The following TMEM33 variants were observed in gnomAD, a reference collection of about 807,000 sequenced individuals.
The protein encoded by TMEM33 is transmembrane protein 33.
In TMEM33, 16 loss-of-function variants were observed where a neutral mutation model predicts 29.7. That is an observed-to-expected ratio of 0.54 (90% confidence interval 0.36 to 0.82). The LOEUF is 0.82. Ranked by LOEUF, TMEM33 falls within the 40% of genes least tolerant of loss-of-function variation. The pLI is 0.00. For missense variants in TMEM33, 252 were observed against 295.3 expected (o/e 0.85, Z 1.08); for synonymous variants, 112 against 109.4 (o/e 1.02, Z -0.15).
intron 1 of TMEM33, among the ~76,000 whole-genome samples, chr4:41,936,021 A>T (rs1191151226): frequency 2.0e-5 from 3 of 152,226 alleles, no homozygotes; most frequent in African/African-American, 4.8e-5. Flanking sequence ...AAATATCATT[A>T]TGCTTTTGTA....
chr4:41,949,427 G>A (rs1266947028), intron 6 of TMEM33, 42 bp downstream of exon 6: 5 of 1,487,178 alleles, frequency 3.4e-6, no homozygotes, highest in Non-Finnish European at 4.6e-6. Context: ...TTTGTTGAGA[G>A]TATTGTGAAT....
intron 6 of TMEM33, among the ~76,000 whole-genome samples, chr4:41,949,751 C>G (rs2153127675): frequency 6.6e-6 from 1 of 152,138 alleles, no homozygotes; most frequent in South Asian, 2.1e-4. Flanking sequence ...ATAATGAATG[C>G]CATATGTTTG....
chr4:41,939,075 G>C (rs1712389297), intron 2 of TMEM33, 121 bp from the exon 3 acceptor site: 2 of 904,818 alleles, frequency 2.2e-6, no homozygotes, highest in Admixed American at 6.5e-5. Flanking sequence ...ATAAGTTCAT[G>C]TAATTTTTTT....
At chr4:41,937,845 G>C (rs1712317717) in intron 1 of TMEM33, among the ~76,000 whole-genome samples, 1 of 152,066 alleles carries the variant, frequency 6.6e-6, no homozygotes, top group Non-Finnish European at 1.5e-5. Context: ...AGGAAAGATA[G>C]AATGGGAAAA....
chr4:41,938,972 G>A (rs1375147357), intron 2 of TMEM33, among the ~76,000 whole-genome samples: 1 of 152,196 alleles, frequency 6.6e-6, no homozygotes, highest in East Asian at 1.9e-4. Context: ...TTACTTGACA[G>A]GAAGGTCCTG....
Position 41,956,937 on chromosome 4 carries a change from CAAATT to C in TMEM33, c.*2742_*2746del, listed in dbSNP as rs1713299727. 1 of 152,018 alleles carries C rather than the reference CAAATT, an allele frequency of 6.6e-6. No homozygotes were observed. Among genetic ancestry groups the C allele is most frequent in the Admixed American group, 6.6e-5 (1 of 15,252 alleles). 9.4% of individuals were successfully genotyped at this position (152,018 alleles called of 1,614,324 possible). On this transcript the variant is annotated 3_prime_UTR_variant, in exon 7 of 7. Transcript: ENST00000504986. ...ATTATAGTGTTACATGTATACCTATCAAATTAAAATTAAGGAAATACAATAGCAAT... is the reference window on the plus strand; with the variant it reads ...ATTATAGTGTTACATGTATACCTATCAAAATTAAGGAAATACAATAGCAAT...
In TMEM33 at chr4:41,935,436, T is replaced by G. The variant is rs752969213; in HGVS notation, c.-49T>G. 7 of 1,568,200 alleles carry G rather than the reference T, an allele frequency of 4.5e-6. No homozygotes were observed. The highest frequency in any genetic ancestry group is 1.9e-5 in the Admixed American group (1 of 53,474). ...CCAGCGCTGACGTTTTCTCTCCCCT[T>G]TCTTCTCTCTTCGCGGTTGCGGCGT... On this transcript the variant is annotated 5_prime_UTR_variant, in exon 1 of 7. Transcript: ENST00000504986.
intron 6 of TMEM33, among the ~76,000 whole-genome samples, chr4:41,952,539 GTAA>G (rs1484728018): frequency 6.6e-6 from 1 of 152,168 alleles, no homozygotes; most frequent in Non-Finnish European, 1.5e-5. Context: ...TCTACAGTAT[GTAA>G]TAATACTTTG....
intron 6 of TMEM33, among the ~76,000 whole-genome samples, chr4:41,952,346 A>G (rs573727790): frequency 6.6e-6 from 1 of 152,330 alleles, no homozygotes; most frequent in East Asian, 1.9e-4. Context: ...TTTTCTAACC[A>G]TAGAAGTAAA....
intron 1 of TMEM33, among the ~76,000 whole-genome samples, chr4:41,937,245 T>C (rs940272958): frequency 9.2e-5 from 14 of 152,242 alleles, no homozygotes; most frequent in Admixed American, 4.6e-4. Context: ...TAAAACTAAC[T>C]TTCAAGCTGT....
intron 1 of TMEM33, 41 bp from the exon 2 acceptor site, chr4:41,938,561 T>A (rs771805697): frequency 6.4e-7 from 1 of 1,556,554 alleles, no homozygotes; most frequent in East Asian, 2.2e-5. Flanking sequence ...AAAAACATGA[T>A]TTGCAGGCAT....
At chr4:41,940,791 G>C (rs1229100667) in intron 3 of TMEM33, among the ~76,000 whole-genome samples, 2 of 131,286 alleles carry the variant, frequency 1.5e-5, no homozygotes, top group African/African-American at 5.9e-5. Flanking sequence ...CTGGGCGACA[G>C]AGCGAGACTC....
At chr4:41,943,959 A>C (rs1712666830) in intron 4 of TMEM33, 145 bp downstream of exon 4, 1 of 673,036 alleles carries the variant, frequency 1.5e-6, no homozygotes, top group Admixed American at 3.3e-5. Context: ...TGAAAGTTTT[A>C]AGTTTAAAAG....
intron 5 of TMEM33, among the ~76,000 whole-genome samples, chr4:41,948,553 TA>T (rs1287529406): frequency 6.6e-6 from 1 of 152,042 alleles, no homozygotes; most frequent in African/African-American, 2.4e-5. Context: ...TCTTCCAATT[TA>T]AAAAAATACA....
chr4:41,944,828 T>C lies in TMEM33; in HGVS notation c.432T>C (p.Ser144=). The change falls in exon 5 of 7, where the codon TCT becomes TCC. Residue 144 remains serine, a synonymous_variant. Coordinates refer to ENST00000504986, the MANE Select transcript of TMEM33 (RefSeq NM_018126.3). ...CAAATAGTTTACCTCTGCTGAGATC[T>C]GTCTTGGACAAATTAAGTGCTAATC... ...RGSNSLPLLR[S]VLDKLSANQQ... is the part of the protein sequence containing the mutation. 3 of 1,613,600 alleles carry C rather than the reference T, an allele frequency of 1.9e-6. No homozygotes were observed. Among genetic ancestry groups the C allele is most frequent in the Non-Finnish European group, 1.7e-6 (2 of 1,179,804 alleles).
In TMEM33 at chr4:41,944,804, A is replaced by C. The variant is rs1712707295; in HGVS notation, c.408A>C (p.Ser136=). The C allele has an allele frequency of 6.2e-7, 1 of 1,612,950 alleles. No homozygotes were observed. The highest frequency in any genetic ancestry group is 1.7e-5 in the Admixed American group (1 of 59,816). Residue 136 remains serine, a synonymous_variant, in exon 5 of 7, where the codon TCA becomes TCC. Coordinates refer to ENST00000504986, the MANE Select transcript of TMEM33 (RefSeq NM_018126.3). The stretch of plus-strand genomic sequence containing the variant: ...TTCTTTTGTTTTAGGCAAGGGGCTC[A>C]AATAGTTTACCTCTGCTGAGATCTG... ...YTKKVLDARG[S]NSLPLLRSVL... is the part of the protein sequence containing the mutation.
intron 5 of TMEM33, 70 bp from the exon 6 acceptor site, chr4:41,949,230 TGC>T (rs1712927864): frequency 6.0e-6 from 6 of 995,076 alleles, no homozygotes; most frequent in Non-Finnish European, 7.5e-6. Context: ...CCAGTTGAAT[TGC>T]TTTTAAGTTT....
In TMEM33 at chr4:41,938,630, C is replaced by T. The variant is rs374132432; in HGVS notation, c.74C>T (p.Thr25Met). The change falls in exon 2 of 7, where the codon ACG becomes ATG. Residue 25 changes from threonine to methionine, a missense_variant. Transcript: ENST00000504986. ...VQFMMTNKLD[T>M]AMWLSRLFTV... ...TTCATGATGACCAATAAACTGGACA[C>T]GGCAATGTGGCTTTCTCGCTTGTTC... The T allele has an allele frequency of 3.7e-5, 60 of 1,614,032 alleles. No individual in the cohort carries two copies. The highest frequency in any genetic ancestry group is 8.8e-5 in the South Asian group (8 of 91,086).
intron 6 of TMEM33, among the ~76,000 whole-genome samples, chr4:41,952,153 G>A (rs1459994040): frequency 2.0e-5 from 3 of 152,134 alleles, no homozygotes; most frequent in Non-Finnish European, 2.9e-5. Flanking sequence ...AGAGAAAAGA[G>A]TAAATTAAAG....
Sources: gnomAD v4.1 joint callset for allele counts (sites outside exome capture counted in the v4.1 genomes callset) on GRCh38, gnomAD v4.1.1 for gene constraint, MANE v1.5 for transcripts, NCBI Gene and HGNC (gene_info 2026-07-23, HGNC 2026-07-21) for gene names.